Variants in ARHGAP15 observed in about 807,000 individuals in gnomAD.
ARHGAP15 encodes Rho GTPase activating protein 15.
Under a neutral mutation model 63.7 loss-of-function variants are expected in ARHGAP15, and 51 were observed. That is an observed-to-expected ratio of 0.80 (90% CI 0.64 to 1.01). ARHGAP15 has a LOEUF of 1.01. ARHGAP15 is among the 50% of genes least tolerant of loss of function. The pLI is 0.00. For missense variants in ARHGAP15, 560 were observed against 564.6 expected, an observed-to-expected ratio of 0.99 and a Z score of 0.08; for synonymous variants, 191 against 193.8, an observed-to-expected ratio of 0.99 and a Z score of 0.12.
intron 6 of ARHGAP15, among the ~76,000 whole-genome samples, chr2:143,300,718 C>T (rs1682855737): frequency 6.6e-6 from 1 of 152,032 alleles, no homozygotes; most frequent in South Asian, 2.1e-4. Flanking sequence ...AAATAGCACA[C>T]ATCTCATCCC....
intron 6 of ARHGAP15, among the ~76,000 whole-genome samples, chr2:143,359,339 A>G (rs757152061): frequency 1.3e-5 from 2 of 152,168 alleles, no homozygotes; most frequent in Non-Finnish European, 2.9e-5. Context: ...AATGCTACCA[A>G]TACCCTATTT....
At chr2:143,407,087 A>G (rs2105011675) in intron 6 of ARHGAP15, among the ~76,000 whole-genome samples, 1 of 152,084 alleles carries the variant, frequency 6.6e-6, no homozygotes, top group African/African-American at 2.4e-5. Context: ...TTGGGCTACC[A>G]TTTATTCATG....
At chr2:143,201,557 G>A (rs1042933587) in intron 2 of ARHGAP15, among the ~76,000 whole-genome samples, 37 of 152,018 alleles carry the variant, frequency 2.4e-4, no homozygotes, top group African/African-American at 8.9e-4. Context: ...CATAGAGATA[G>A]GGAATAGAAT....
At chr2:143,157,847 G>T (rs938974624) in intron 2 of ARHGAP15, among the ~76,000 whole-genome samples, 3 of 151,852 alleles carry the variant, frequency 2.0e-5, no homozygotes, top group Admixed American at 6.6e-5. Context: ...TTCAGAAGTT[G>T]GGTGGTGGGG....
intron 12 of ARHGAP15, among the ~76,000 whole-genome samples, chr2:143,627,276 C>T (rs371224719): frequency 1.3e-5 from 2 of 152,090 alleles, no homozygotes; most frequent in Admixed American, 1.3e-4. Flanking sequence ...ATATGTAAAA[C>T]AGAGGGATCA....
chr2:143,334,937 T>G (rs530514567), intron 6 of ARHGAP15, among the ~76,000 whole-genome samples: 69 of 152,256 alleles, frequency 4.5e-4, no homozygotes, highest in African/African-American at 1.4e-3. Flanking sequence ...CACATACTAC[T>G]GTAAGTAAAA....
chr2:143,299,360 A>G (rs1268296021), intron 6 of ARHGAP15, among the ~76,000 whole-genome samples: 1 of 151,986 alleles, frequency 6.6e-6, no homozygotes. Flanking sequence ...AAGAGATAGT[A>G]GCCAACATTT....
chr2:143,470,477 T>TTAA (rs1691464047), intron 8 of ARHGAP15, among the ~76,000 whole-genome samples: 1 of 151,278 alleles, frequency 6.6e-6, no homozygotes, highest in Non-Finnish European at 1.5e-5. Flanking sequence ...AAACAAGAGA[T>TTAA]TAAGAGTTTT....
intron 2 of ARHGAP15, among the ~76,000 whole-genome samples, chr2:143,200,142 C>T (rs765683364): frequency 5.9e-5 from 9 of 152,138 alleles, no homozygotes; most frequent in Non-Finnish European, 1.3e-4. Context: ...AAAGTCAAGA[C>T]AGTCCCCGGC....
intron 8 of ARHGAP15, among the ~76,000 whole-genome samples, chr2:143,471,047 ATG>A (rs1691525952): frequency 6.9e-6 from 1 of 145,424 alleles, no homozygotes; most frequent in African/African-American, 2.7e-5. Context: ...GCACACACAC[ATG>A]TGTGCATATA....
At chr2:143,687,189 T>G (rs1271651350) in intron 12 of ARHGAP15, among the ~76,000 whole-genome samples, 1 of 152,130 alleles carries the variant, frequency 6.6e-6, no homozygotes, top group Non-Finnish European at 1.5e-5. Context: ...AAAAGAGGGA[T>G]TGATATGGCT....
At chr2:143,676,350 T>C (rs1682824526) in intron 12 of ARHGAP15, 1 of 152,252 alleles carries the variant, frequency 6.6e-6, no homozygotes, top group African/African-American at 2.4e-5. Flanking sequence ...CAAGAACTTT[T>C]CTCCTTTGCA....
intron 6 of ARHGAP15, among the ~76,000 whole-genome samples, chr2:143,303,368 A>G (rs1683004688): frequency 6.6e-6 from 1 of 152,100 alleles, no homozygotes; most frequent in African/African-American, 2.4e-5. Flanking sequence ...ACTTCTCAAA[A>G]TAAGACATTT....
rs559534365 is a variant in ARHGAP15 at position 143,251,523 on chromosome 2, G to A, written c.474+923G>A. On this transcript the variant is annotated intron_variant, in intron 6 of 13. Coordinates refer to ENST00000295095, the MANE Select transcript of ARHGAP15 (RefSeq NM_018460.4). Reference sequence around the variant, plus strand: ...CACTCTCACTGAGGGGAAGAAGCTGGTTTCCAGTTCGGTTTGTATTTTCCA... The same window carrying A: ...CACTCTCACTGAGGGGAAGAAGCTGATTTCCAGTTCGGTTTGTATTTTCCA... Among the ~76,000 whole-genome samples, 4 of 152,026 alleles carry A rather than the reference G, an allele frequency of 2.6e-5. No individual in the cohort carries two copies. The South Asian group carries it at 6.2e-4, about 24-fold the overall frequency.
intron 2 of ARHGAP15, among the ~76,000 whole-genome samples, chr2:143,185,242 G>T (rs1358945535): frequency 6.6e-6 from 1 of 152,058 alleles, no homozygotes; most frequent in Non-Finnish European, 1.5e-5. Flanking sequence ...GAATGGTGTG[G>T]ATATGGTCTC....
At chr2:143,338,324 G>A (rs1684899294) in intron 6 of ARHGAP15, among the ~76,000 whole-genome samples, 1 of 152,152 alleles carries the variant, frequency 6.6e-6, no homozygotes, top group African/African-American at 2.4e-5. Flanking sequence ...TTTCTAACAT[G>A]TGGACAGAAG....
At chr2:143,531,086 G>T (rs1574586700) in intron 10 of ARHGAP15, among the ~76,000 whole-genome samples, 1 of 151,590 alleles carries the variant, frequency 6.6e-6, no homozygotes, top group Non-Finnish European at 1.5e-5. Context: ...CTACACTTTG[G>T]CATATTGCCT....
intron 6 of ARHGAP15, among the ~76,000 whole-genome samples, chr2:143,393,263 A>C (rs866564372): frequency 6.6e-6 from 1 of 152,150 alleles, no homozygotes; most frequent in South Asian, 2.1e-4. Flanking sequence ...CATTGTTAAT[A>C]TTGCATTTTA....
At chr2:143,166,009 G>GAAAAA (rs1690506297) in intron 2 of ARHGAP15, among the ~76,000 whole-genome samples, 2 of 61,984 alleles carry the variant, frequency 3.2e-5, no homozygotes, top group African/African-American at 1.1e-4. Context: ...AAAGAAGGAA[G>GAAAAA]GAAGGAAAAA....
Sources: allele counts gnomAD v4.1 joint callset (sites outside exome capture counted in the v4.1 genomes callset), GRCh38; gene constraint gnomAD v4.1.1; transcripts MANE v1.5; gene names NCBI Gene and HGNC (gene_info 2026-07-23, HGNC 2026-07-21).